RAB11A: variants seen among roughly 807,000 people sequenced by gnomAD.
RAB11A encodes ras-related protein Rab-11A.
In RAB11A, 9 loss-of-function variants were observed where a neutral mutation model predicts 28.0. The observed-to-expected ratio is 0.32, with a 90% CI of 0.19 to 0.56. The LOEUF (loss-of-function observed/expected upper bound fraction) is 0.56, where lower values mean the gene tolerates loss of function less well. RAB11A is among the 20% of genes least tolerant of loss of function. The probability of loss-of-function intolerance (pLI) is 0.91; values close to 1 mark genes in which losing one functional copy is unlikely to be tolerated. For missense variants in RAB11A, 108 were observed against 269.6 expected (o/e 0.40, Z 4.20); for synonymous variants, 85 against 88.2 (o/e 0.96, Z 0.20).
chr15:65,884,699 C>G (rs2078243691), intron 4 of RAB11A, among the ~76,000 whole-genome samples: 1 of 150,104 alleles, frequency 6.7e-6, no homozygotes. Flanking sequence ...GAGTGATTGG[C>G]TTTAAGAGGT....
chr15:65,884,758 T>TA (rs59249589), intron 4 of RAB11A, among the ~76,000 whole-genome samples: 1,209 of 120,686 alleles, frequency 0.01, 5 homozygotes, highest in African/African-American at 0.023. Context: ...GGTGTGTCAT[T>TA]AAAAAAAAAA....
At chr15:65,872,066 C>G (rs755438783) in intron 1 of RAB11A, among the ~76,000 whole-genome samples, 9 of 151,350 alleles carry the variant, frequency 5.9e-5, no homozygotes, top group Non-Finnish European at 1.3e-4. Context: ...CCTAGCTACT[C>G]TCTAGCTCCT....
Position 65,879,666 on chromosome 15 carries a change from C to G in RAB11A, c.431-5C>G. ...ACAAGACTGAACTTTTGTGTCTCCCCTCAGAAAAGAATGGTTTGTCATTCA... is the reference window on the plus strand; with the variant it reads ...ACAAGACTGAACTTTTGTGTCTCCCGTCAGAAAAGAATGGTTTGTCATTCA... On this transcript the variant is annotated splice_region_variant and splice_polypyrimidine_tract_variant and intron_variant, in intron 3 of 4. Coordinates refer to ENST00000261890, the MANE Select transcript of RAB11A (RefSeq NM_004663.5). 1 of 1,580,702 alleles carries G rather than the reference C, an allele frequency of 6.3e-7. No homozygotes were observed. The highest frequency in any genetic ancestry group is 8.7e-7 in the Non-Finnish European group (1 of 1,152,300).
Position 65,890,419 on chromosome 15 carries a change from A to C in RAB11A, c.*2579A>C, listed in dbSNP as rs1296199500. 1 of 151,976 alleles carries C rather than the reference A, an allele frequency of 6.6e-6. No individual in the cohort carries two copies. The highest frequency in any genetic ancestry group is 1.5e-5 in the Non-Finnish European group (1 of 68,008). 9.4% of individuals were successfully genotyped at this position (151,976 alleles called of 1,614,324 possible). A position where few individuals can be genotyped will look rare whatever the true frequency, so the allele number is the denominator to read the frequency against. ...TAGTTAGCCATGGTGCCTTGATTTAATCTTATGTCATTGTTCTCAAATGCC... is the reference window on the plus strand; with the variant it reads ...TAGTTAGCCATGGTGCCTTGATTTACTCTTATGTCATTGTTCTCAAATGCC... On this transcript the variant is annotated 3_prime_UTR_variant, in exon 5 of 5. Transcript: ENST00000261890.
Position 65,877,331 on chromosome 15 carries a change from G to T in RAB11A, c.41-1G>T. ...TGACATTGAATTCTTTGTCTTTCCA[G>T]TTGTCCTTATTGGAGATTCTGGTGT... On this transcript the variant is annotated splice_acceptor_variant, in intron 1 of 4. Coordinates refer to ENST00000261890, the MANE Select transcript of RAB11A (RefSeq NM_004663.5). LOFTEE classifies it high-confidence loss of function. The surrounding 1 kb of genome is among the most constrained non-coding windows in gnomAD (Gnocchi z 4.1). 1 of 1,608,588 alleles carries T rather than the reference G, an allele frequency of 6.2e-7. No individual in the cohort carries two copies. The highest frequency in any genetic ancestry group is 8.5e-7 in the Non-Finnish European group (1 of 1,176,350).
intron 1 of RAB11A, among the ~76,000 whole-genome samples, chr15:65,871,921 T>A (rs75447914): frequency 1.2e-5 from 1 of 82,634 alleles, no homozygotes; most frequent in Non-Finnish European, 2.3e-5. Context: ...TTTTGTCAGT[T>A]TTTTTTTTTT....
rs960414631 is a variant in RAB11A, at chr15:65,871,919, G to GTT, written c.40+2322_40+2323dup. ...GAAAGAAGTTACTGTGGTTTTGTCA[G>GTT]TTTTTTTTTTTTTTTTTTTTTTTTT... On this transcript the variant is annotated intron_variant, in intron 1 of 4. Coordinates refer to ENST00000261890, the MANE Select transcript of RAB11A (RefSeq NM_004663.5). 7.7e-3 allele frequency among the ~76,000 whole-genome samples: 553 copies of GTT among 72,078 alleles called. 60 individuals are homozygous for GTT. Among genetic ancestry groups the GTT allele is most frequent in the Non-Finnish European group, 8.5e-3 (329 of 38,520 alleles). 47.3% of individuals were successfully genotyped at this position (72,078 alleles called of 152,430 possible). A position where few individuals can be genotyped will look rare whatever the true frequency, so the allele number is the denominator to read the frequency against.
Position 65,890,081 on chromosome 15 carries a change from G to A in RAB11A, c.*2241G>A, listed in dbSNP as rs575365203. On this transcript the variant is annotated 3_prime_UTR_variant, in exon 5 of 5. Transcript: ENST00000261890. ...GAATTTTTTTTTTTTTTTTTGAGAC[G>A]GAGTCTTGCTCTGTTGCCCAGGCTG... 1.4e-5 allele frequency: 2 copies of A among 147,030 alleles called. No homozygotes were observed. Among genetic ancestry groups the A allele is most frequent in the South Asian group, 2.1e-4 (1 of 4,666 alleles). 9.1% of individuals were successfully genotyped at this position (147,030 alleles called of 1,614,324 possible). A position where few individuals can be genotyped will look rare whatever the true frequency, so the allele number is the denominator to read the frequency against.
intron 4 of RAB11A, among the ~76,000 whole-genome samples, chr15:65,882,347 A>G (rs1439652940): frequency 6.6e-6 from 1 of 152,238 alleles, no homozygotes; most frequent in African/African-American, 2.4e-5. Context: ...ATGCATAGAG[A>G]AAACAGTGAA....
intron 1 of RAB11A, among the ~76,000 whole-genome samples, chr15:65,874,385 GC>G (rs2078180033): frequency 6.6e-6 from 1 of 152,012 alleles, no homozygotes; most frequent in East Asian, 1.9e-4. Context: ...GGGACTACGG[GC>G]ATGCGCCACC....
At chr15:65,873,070 A>T (rs2078172509) in intron 1 of RAB11A, among the ~76,000 whole-genome samples, 1 of 152,234 alleles carries the variant, frequency 6.6e-6, no homozygotes, top group Non-Finnish European at 1.5e-5. Context: ...CGAGCAGGAC[A>T]ATTATTCTAA....
intron 4 of RAB11A, among the ~76,000 whole-genome samples, chr15:65,880,796 C>T (rs528847659): frequency 3.9e-5 from 6 of 152,242 alleles, no homozygotes; most frequent in Admixed American, 3.3e-4. Context: ...CTTAATTTCT[C>T]CATCTATAAA....
chr15:65,883,602 T>C (rs1219408798), intron 4 of RAB11A, among the ~76,000 whole-genome samples: 1 of 152,192 alleles, frequency 6.6e-6, no homozygotes, highest in East Asian at 1.9e-4. Flanking sequence ...TAAATTCTTT[T>C]TTTTTTCCCC....
intron 4 of RAB11A, among the ~76,000 whole-genome samples, chr15:65,885,348 G>GA (rs1325415354): frequency 6.6e-6 from 1 of 151,766 alleles, no homozygotes; most frequent in African/African-American, 2.4e-5. Flanking sequence ...AGATGGTCTT[G>GA]ATCTCCTGAC....
In RAB11A at chr15:65,877,954, A is replaced by C. The variant is rs2078199142; in HGVS notation, c.429A>C (p.Ala143=). The C allele has an allele frequency of 6.2e-7, 1 of 1,611,228 alleles. No individual in the cohort carries two copies. Among genetic ancestry groups the C allele is most frequent in the African/African-American group, 1.3e-5 (1 of 74,976 alleles). ...AVPTDEARAF[A]EKNGLSFIET... is the part of the protein sequence containing the mutation. ...CTACAGATGAAGCAAGAGCTTTTGC[A>C]GGTTAGTGATAGGAATTCCATGATA... The change falls in exon 3 of 5, where the codon GCA becomes GCC. Residue 143 remains alanine (A), a splice_region_variant and synonymous_variant. Transcript: ENST00000261890. The surrounding 1 kb of genome is among the most constrained non-coding windows in gnomAD (Gnocchi z 4.1).
chr15:65,883,426 A>C (rs2078234816), intron 4 of RAB11A, among the ~76,000 whole-genome samples: 1 of 152,208 alleles, frequency 6.6e-6, no homozygotes. Flanking sequence ...CACTTTTGGC[A>C]GGAACACCAC....
intron 1 of RAB11A, among the ~76,000 whole-genome samples, chr15:65,876,111 C>G (rs564838395): frequency 4.8e-4 from 73 of 152,206 alleles, no homozygotes; most frequent in Admixed American, 1.7e-3. Flanking sequence ...CCTGTTTCTC[C>G]ATTGTTTTTG....
intron 4 of RAB11A, among the ~76,000 whole-genome samples, chr15:65,882,095 T>C (rs1179584503): frequency 1.3e-5 from 2 of 152,176 alleles, no homozygotes; most frequent in African/African-American, 4.8e-5. Flanking sequence ...TTCTTAAAAT[T>C]CACTCTAGAT....
At position 65,890,848 on chromosome 15, in the gene RAB11A, G is replaced by A. The variant is rs2078288786; in HGVS notation, c.*3008G>A. 1 of 152,140 alleles carries A rather than the reference G, an allele frequency of 6.6e-6. No individual in the cohort carries two copies. Among genetic ancestry groups the A allele is most frequent in the Non-Finnish European group, 1.5e-5 (1 of 68,024 alleles). 9.4% of individuals were successfully genotyped at this position (152,140 alleles called of 1,614,324 possible). A position where few individuals can be genotyped will look rare whatever the true frequency, so the allele number is the denominator to read the frequency against. On this transcript the variant is annotated 3_prime_UTR_variant, in exon 5 of 5. Transcript: ENST00000261890. ...ATTCTAACCTGTCAGGTTTCAATTT[G>A]TGGGGCTTGGTTTAACAGAGGAAAA...
Sources: allele counts gnomAD v4.1 joint callset (sites outside exome capture counted in the v4.1 genomes callset), GRCh38; gene constraint gnomAD v4.1.1; non-coding constraint Gnocchi (gnomAD v3.1); transcripts MANE v1.5; gene names NCBI Gene and HGNC (gene_info 2026-07-23, HGNC 2026-07-21).